The following TBC1D10C variants were observed in gnomAD, a reference collection of about 807,000 sequenced individuals.
TBC1D10C encodes the protein carabin.
In TBC1D10C, 49 loss-of-function variants were observed where a neutral mutation model predicts 51.0. The observed-to-expected ratio is 0.96, with a 90% confidence interval of 0.76 to 1.22. TBC1D10C has a LOEUF of 1.22. Among genes scored for constraint, TBC1D10C ranks in the 50% most tolerant of loss-of-function variants. TBC1D10C has a pLI of 0.00. For missense variants in TBC1D10C, 541 were observed against 617.5 expected (o/e 0.88, Z 1.31); for synonymous variants, 281 against 266.7 (o/e 1.05, Z -0.52).
At chr11:67,408,909 G>C in intron 7 of TBC1D10C, 70 bp from the exon 8 acceptor site, 1 of 1,484,170 alleles carries the variant, frequency 6.7e-7, no homozygotes, top group Non-Finnish European at 8.9e-7. Flanking sequence ...ATATGGCTGA[G>C]GGCAGGTTTG....
rs1400163641 is a variant in TBC1D10C at position 67,406,647 on chromosome 11, G to C, written c.603G>C (p.Val201=). The change falls in exon 6 of 9, where the codon GTG becomes GTC. Residue 201 remains valine, a synonymous_variant. Transcript: ENST00000542590. ...CCCAGGAGGCCTTCTGGTGCCTGGT[G>C]CAGATCTGTGAGGTCTACCTCCCTG... ...LPPEEAFWCL[V]QICEVYLPGY... is the part of the protein sequence containing the mutation. The C allele has an allele frequency of 6.4e-7, 1 of 1,574,776 alleles. No homozygotes were observed. Among genetic ancestry groups the C allele is most frequent in the Admixed American group, 1.9e-5 (1 of 53,756 alleles).
intron 5 of TBC1D10C, 133 bp from the exon 6 acceptor site, chr11:67,406,494 T>C (rs749306925): frequency 3.9e-5 from 30 of 772,428 alleles, no homozygotes; most frequent in Non-Finnish European, 5.7e-5. Context: ...CTGCGCAGGT[T>C]AGGAGTGGCC....
intron 2 of TBC1D10C, 94 bp downstream of exon 2, chr11:67,405,278 C>A: frequency 6.7e-7 from 1 of 1,490,004 alleles, no homozygotes; most frequent in Non-Finnish European, 9.1e-7. Flanking sequence ...TGTGTCCCAG[C>A]ACCTCCGGCC....
chr11:67,404,420 C>A, intron 1 of TBC1D10C, 66 bp downstream of exon 1: 4 of 1,447,026 alleles, frequency 2.8e-6, no homozygotes, highest in Non-Finnish European at 3.7e-6. Context: ...GGGCTGAATT[C>A]TGGAGGGAGG....
chr11:67,406,747 G>A, intron 6 of TBC1D10C, 55 bp downstream of exon 6: 1 of 1,597,310 alleles, frequency 6.3e-7, no homozygotes, highest in Non-Finnish European at 8.5e-7. Context: ...CGGTGAGTGG[G>A]TGGGGGTCTG....
chr11:67,405,372 T>A, intron 2 of TBC1D10C, 27 bp from the exon 3 acceptor site: 6 of 1,607,738 alleles, frequency 3.7e-6, no homozygotes, highest in Non-Finnish European at 5.1e-6. Context: ...GGAGGCTGCC[T>A]AGTGGAGCCC....
At position 67,409,568 on chromosome 11, in the gene TBC1D10C, A is replaced by AGGC; in HGVS notation, c.1157_1159dup (p.Gly386dup). 1 of 1,548,844 alleles carries AGGC rather than the reference A, an allele frequency of 6.5e-7. No homozygotes were observed. The highest frequency in any genetic ancestry group is 8.7e-7 in the Non-Finnish European group (1 of 1,146,746). Reference sequence around the variant, plus strand: ...CCCAGCAGCTGGCAGGAGTGCGACGAGGCGCCAAGCCTGAGGTGCCTCGGA... The same window carrying AGGC: ...CCCAGCAGCTGGCAGGAGTGCGACGAGGCGGCGCCAAGCCTGAGGTGCCTCGGA... On this transcript the variant is annotated inframe_insertion, in exon 9 of 9. Transcript: ENST00000542590.
Position 67,409,572 on chromosome 11 carries a change from G to A in TBC1D10C, c.1159G>A (p.Ala387Thr). 6.5e-7 allele frequency: 1 copy of A among 1,548,756 alleles called. No homozygotes were observed. Among genetic ancestry groups the A allele is most frequent in the Non-Finnish European group, 8.7e-7 (1 of 1,146,802 alleles). Residue 387 changes from alanine to threonine, a missense_variant, in exon 9 of 9, where the codon GCC becomes ACC. Physicochemically the swap from Ala to Thr is moderately conservative, Grantham distance 58 (BLOSUM62 0). Transcript: ENST00000542590. ...AQQLAGVRRG[A>T]KPEVPRIVVQ... The stretch of plus-strand genomic sequence containing the variant: ...GCAGCTGGCAGGAGTGCGACGAGGC[G>A]CCAAGCCTGAGGTGCCTCGGATTGT...
upstream of TBC1D10C, chr11:67,404,070 T>G: frequency 8.8e-7 from 1 of 1,136,652 alleles, no homozygotes; most frequent in Non-Finnish European, 1.2e-6. Flanking sequence ...AGAGGAGACA[T>G]AGGGGGCTTG....
At position 67,409,646 on chromosome 11, in the gene TBC1D10C, C is replaced by A. The variant is rs1323777181; in HGVS notation, c.1233C>A (p.Thr411=). 2 of 1,599,660 alleles carry A rather than the reference C, an allele frequency of 1.3e-6. No individual in the cohort carries two copies. Among genetic ancestry groups the A allele is most frequent in the African/African-American group, 2.7e-5 (2 of 74,798 alleles). ...GACCACCGCGGCGGAAACCCCAGAC[C>A]CGCGGCAAGACTTTCCATGGGCTCC... ...EPRPPRRKPQ[T]RGKTFHGLLT... The change falls in exon 9 of 9, where the codon ACC becomes ACA. Residue 411 remains threonine, a synonymous_variant. Coordinates refer to ENST00000542590, the MANE Select transcript of TBC1D10C (RefSeq NM_001369496.1).
chr11:67,408,830 G>A (rs573331193), intron 7 of TBC1D10C, 149 bp from the exon 8 acceptor site: 55 of 1,091,870 alleles, frequency 5.0e-5, no homozygotes, highest in Admixed American at 4.8e-4. Context: ...TGTGTTACCC[G>A]AAATGCAACT....
Position 67,404,232 on chromosome 11 carries a change from G to A in TBC1D10C, c.30G>A (p.Val10=), listed in dbSNP as rs776361313. The part of the protein sequence containing the change: MAQALGEDL[V]QPPELQDDSS... ...CCCAGGCCCTGGGGGAGGACCTGGT[G>A]CAGCCTCCCGAGCTGCAGGATGACT... Residue 10 remains valine, a synonymous_variant, in exon 1 of 9, where the codon GTG becomes GTA. Transcript: ENST00000542590. The A allele has an allele frequency of 1.3e-6, 2 of 1,579,778 alleles. No homozygotes were observed. Among genetic ancestry groups the A allele is most frequent in the South Asian group, 1.1e-5 (1 of 89,610 alleles).
chr11:67,405,600 G>T lies in TBC1D10C; in HGVS notation c.366G>T (p.Leu122=), dbSNP rs1289248974. ...QKNSPGTYQE[L]AEAPGDPQWM... ...ACCTTCCTGGCTACCCACAGGAGCT[G>T]GCAGAGGCCCCTGGAGACCCACAGT... The change falls in exon 4 of 9, where the codon CTG becomes CTT. Residue 122 remains leucine (L), a synonymous_variant. Coordinates refer to ENST00000542590, the MANE Select transcript of TBC1D10C (RefSeq NM_001369496.1). 2 of 1,614,010 alleles carry T rather than the reference G, an allele frequency of 1.2e-6. No individual in the cohort carries two copies. The highest frequency in any genetic ancestry group is 2.2e-5 in the South Asian group (2 of 91,088).
intron 7 of TBC1D10C, chr11:67,407,366 A>C: frequency 4.1e-6 from 1 of 241,808 alleles, no homozygotes; most frequent in Non-Finnish European, 8.0e-6. Flanking sequence ...CTGGGAATCA[A>C]GTGATCGAGA....
intron 7 of TBC1D10C, 47 bp downstream of exon 7, chr11:67,407,063 T>A: frequency 6.4e-7 from 1 of 1,563,074 alleles, no homozygotes. Context: ...GGGGTGTGGG[T>A]GGGGAGGTAG....
intron 7 of TBC1D10C, chr11:67,407,842 T>A (rs570880363): frequency 1.3e-5 from 2 of 152,426 alleles, no homozygotes; most frequent in Non-Finnish European, 2.9e-5. Context: ...AGCATATGCA[T>A]ACTGTGCATA....
At chr11:67,408,087 A>T (rs1212716359) in intron 7 of TBC1D10C, 1 of 152,256 alleles carries the variant, frequency 6.6e-6, no homozygotes, top group East Asian at 1.9e-4. Flanking sequence ...ATGAATAGTG[A>T]TTGTTCCTAC....
rs749097219 is a variant in TBC1D10C, at chr11:67,409,703, G to GC, written c.1296dup (p.Arg433GlnfsTer21). On this transcript the variant is annotated frameshift_variant, in exon 9 of 9. Transcript: ENST00000542590. LOFTEE classifies it high-confidence loss of function. ...GGGCCCGGGGCCCCCCCATCGAGGG[G>GC]CCCCCCAGGCCCCAACGAGGCTCCA... is the stretch of plus-strand genomic sequence containing the variant. 3.2e-5 allele frequency: 51 copies of GC among 1,589,344 alleles called. No individual in the cohort carries two copies. Among genetic ancestry groups the GC allele is most frequent in the Middle Eastern group, 1.8e-4 (1 of 5,694 alleles).
At chr11:67,405,805 A>T in intron 4 of TBC1D10C, 98 bp from the exon 5 acceptor site, 1 of 1,543,354 alleles carries the variant, frequency 6.5e-7, no homozygotes, top group South Asian at 1.2e-5. Context: ...CAGGGGACCC[A>T]GGAAGGCCCA....
Sources: gnomAD v4.1 joint callset for allele counts on GRCh38, gnomAD v4.1.1 for gene constraint, MANE v1.5 for transcripts, NCBI Gene and HGNC (gene_info 2026-07-23, HGNC 2026-07-21) for gene names.